The following COX7A2L variants were observed in gnomAD, a reference collection of about 807,000 sequenced individuals.
The protein encoded by COX7A2L is cytochrome c oxidase subunit 7A2 like.
In COX7A2L, 18 loss-of-function variants were observed where a neutral mutation model predicts 14.2. The ratio of observed to expected loss-of-function variants is 1.27; its 90% confidence interval spans 0.88 to 1.88. COX7A2L has a LOEUF of 1.88. COX7A2L is among the 40% of genes most tolerant of loss of function. The pLI, the probability that COX7A2L is intolerant of heterozygous loss-of-function variation, is 0.00. For synonymous variants in COX7A2L, 65 were observed against 57.4 expected (o/e 1.13, Z -0.60); for missense variants, 179 against 138.8 (o/e 1.29, Z -1.46).
chr2:42,357,973 C>T (rs1670879111), intron 1 of COX7A2L, among the ~76,000 whole-genome samples: 1 of 152,224 alleles, frequency 6.6e-6, no homozygotes. Context: ...TCTCACAGTT[C>T]CCTTTACCTA....
Position 42,367,866 on chromosome 2 carries a change from C to A in COX7A2L, c.-688+1002G>T, listed in dbSNP as rs189638015. Among the ~76,000 whole-genome samples, 144 of 152,352 alleles carry A rather than the reference C, an allele frequency of 9.5e-4. 1 individual carries two copies. The highest frequency in any genetic ancestry group is 3.4e-3 in the African/African-American group (142 of 41,582). On this transcript the variant is annotated intron_variant, in intron 1 of 3. Coordinates refer to the COX7A2L transcript ENST00000378669. ...TTGTATGATCCTCACATCTCTTCCA[C>A]CCCCAAACTGCAAGGCTACCGTGTC...
downstream of COX7A2L, among the ~76,000 whole-genome samples, chr2:42,349,021 G>T (rs980736553): frequency 2.0e-5 from 3 of 152,152 alleles, no homozygotes; most frequent in Admixed American, 6.5e-5. Context: ...TGGTGAGAAT[G>T]TTAAATGGTA....
At chr2:42,358,110 C>T (rs568293404) in intron 1 of COX7A2L, among the ~76,000 whole-genome samples, 6 of 152,314 alleles carry the variant, frequency 3.9e-5, no homozygotes, top group African/African-American at 1.4e-4. Context: ...ATTTCCACCA[C>T]AAATGTAACA....
chr2:42,347,350 G>A (rs539588532), downstream of COX7A2L, among the ~76,000 whole-genome samples: 3 of 143,064 alleles, frequency 2.1e-5, no homozygotes, highest in South Asian at 2.2e-4. Flanking sequence ...TATTGAAATT[G>A]GAAATGCACA....
At chr2:42,351,485 T>C in intron 2 of COX7A2L, 126 bp from the exon 3 acceptor site, 1 of 1,081,728 alleles carries the variant, frequency 9.2e-7, no homozygotes, top group East Asian at 2.6e-5. Flanking sequence ...GGAAAAGCAC[T>C]AATCCATGGA....
intron 2 of COX7A2L, among the ~76,000 whole-genome samples, chr2:42,336,006 G>A (rs771253058): frequency 7.2e-5 from 11 of 152,234 alleles, no homozygotes; most frequent in Non-Finnish European, 1.6e-4. Context: ...CATGGGCACA[G>A]AAGTCCTCAG....
At chr2:42,354,735 C>T (rs1396503780) in intron 1 of COX7A2L, among the ~76,000 whole-genome samples, 4 of 152,142 alleles carry the variant, frequency 2.6e-5, no homozygotes, top group Non-Finnish European at 4.4e-5. Flanking sequence ...TTTTCTGTAA[C>T]GTATTCATTC....
At chr2:42,362,209 A>C (rs1671073961), upstream of COX7A2L, among the ~76,000 whole-genome samples, 1 of 152,224 alleles carries the variant, frequency 6.6e-6, no homozygotes, top group South Asian at 2.1e-4. Context: ...TATTCGCTTC[A>C]GTTCAATTTA....
chr2:42,365,133 T>C (rs1417487042), upstream of COX7A2L, among the ~76,000 whole-genome samples: 6 of 152,262 alleles, frequency 3.9e-5, no homozygotes, highest in Non-Finnish European at 8.8e-5. Flanking sequence ...CTATTTTACA[T>C]TGACATCATC....
intron 1 of COX7A2L, among the ~76,000 whole-genome samples, chr2:42,355,315 C>T (rs759013252): frequency 2.6e-5 from 4 of 152,188 alleles, no homozygotes; most frequent in Non-Finnish European, 5.9e-5. Flanking sequence ...ATTCTGTGAG[C>T]TCACCATATT....
intron 1 of COX7A2L, among the ~76,000 whole-genome samples, chr2:42,367,288 G>A (rs1671182589): frequency 6.6e-6 from 1 of 152,194 alleles, no homozygotes; most frequent in African/African-American, 2.4e-5. Context: ...TCCCCACTCT[G>A]AGTCTCAGAG....
rs1281869371 is a variant in COX7A2L at position 42,349,685 on chromosome 2, G to C, written c.*1534C>G. ...ATTATTAGAACACCTGGGGAAATCT[G>C]AAAGTAAACTATGTATTAGATGGTA... On this transcript the variant is annotated 3_prime_UTR_variant, in exon 3 of 3. Coordinates refer to ENST00000234301, the MANE Select transcript of COX7A2L (RefSeq NM_004718.4). The C allele has an allele frequency of 1.3e-5, 2 of 152,146 alleles. No homozygotes were observed. The highest frequency in any genetic ancestry group is 1.9e-4 in the East Asian group (1 of 5,204). 9.4% of individuals were successfully genotyped at this position (152,146 alleles called of 1,614,324 possible).
downstream of COX7A2L, among the ~76,000 whole-genome samples, chr2:42,348,838 A>G (rs1670549044): frequency 6.6e-6 from 1 of 152,134 alleles, no homozygotes; most frequent in African/African-American, 2.4e-5. Flanking sequence ...GAATTGCTTG[A>G]ACGTGAGAGG....
chr2:42,347,186 A>T (rs1303751083), downstream of COX7A2L, among the ~76,000 whole-genome samples: 1 of 152,168 alleles, frequency 6.6e-6, no homozygotes, highest in African/African-American at 2.4e-5. Flanking sequence ...TTTAAACCAC[A>T]AAGAAATGTT....
chr2:42,335,691 G>A (rs574723407), intron 2 of COX7A2L, among the ~76,000 whole-genome samples: 86 of 152,348 alleles, frequency 5.6e-4, no homozygotes, highest in Middle Eastern at 6.8e-3. Flanking sequence ...AGGTACTCCC[G>A]CCTCCGGAGT....
intron 1 of COX7A2L, among the ~76,000 whole-genome samples, chr2:42,360,483 A>T (rs915091037): frequency 2.6e-5 from 4 of 152,164 alleles, no homozygotes; most frequent in African/African-American, 9.7e-5. Flanking sequence ...GTGAAATGGA[A>T]TACTTTTCAG....
chr2:42,363,991 T>C (rs1671109584), upstream of COX7A2L, among the ~76,000 whole-genome samples: 1 of 152,128 alleles, frequency 6.6e-6, no homozygotes, highest in Admixed American at 6.5e-5. Context: ...AAAATTTAAA[T>C]TGGGTAATAC....
chr2:42,364,339 C>T (rs1671117866), upstream of COX7A2L, among the ~76,000 whole-genome samples: 1 of 151,916 alleles, frequency 6.6e-6, no homozygotes, highest in Non-Finnish European at 1.5e-5. Flanking sequence ...TTGTGGGCTC[C>T]CGTTTCTGAA....
At chr2:42,354,834 G>A (rs1670766323) in intron 1 of COX7A2L, among the ~76,000 whole-genome samples, 1 of 152,170 alleles carries the variant, frequency 6.6e-6, no homozygotes, top group Non-Finnish European at 1.5e-5. Flanking sequence ...GGATATTAAT[G>A]TTATAAACCA....
Sources: allele counts gnomAD v4.1 joint callset (sites outside exome capture counted in the v4.1 genomes callset), GRCh38; gene constraint gnomAD v4.1.1; transcripts MANE v1.5; gene names NCBI Gene and HGNC (gene_info 2026-07-23, HGNC 2026-07-21).